The following NOC3L variants were observed in gnomAD, a reference collection of about 807,000 sequenced individuals.
NOC3L encodes the protein NOC3 like DNA replication regulator, also known as nucleolar complex protein 3 homolog.
Under a neutral mutation model 102.5 loss-of-function variants are expected in NOC3L, and 85 were observed. That is an observed-to-expected ratio of 0.83 (90% CI 0.70 to 0.99). The LOEUF is 0.99. Ranked by LOEUF, NOC3L falls within the 50% of genes least tolerant of loss-of-function variation. The pLI is 0.00. For missense variants in NOC3L, 878 were observed against 914.9 expected (o/e 0.96, Z 0.52); for synonymous variants, 303 against 309.4 (o/e 0.98, Z 0.22).
At chr10:94,350,406 ACCCCTT>A in intron 8 of NOC3L, 118 bp from the exon 9 acceptor site, 1 of 858,448 alleles carries the variant, frequency 1.2e-6, no homozygotes, top group South Asian at 1.6e-5. Context: ...ACATTCCCAC[ACCCCTT>A]AAAAAAAGAC....
intron 2 of NOC3L, among the ~76,000 whole-genome samples, chr10:94,360,585 G>A (rs552518927): frequency 1.1e-4 from 16 of 152,182 alleles, no homozygotes; most frequent in African/African-American, 3.9e-4. Flanking sequence ...GGAGATAGGA[G>A]TAGGGATGGT....
At chr10:94,350,812 T>C (rs1046353176) in intron 8 of NOC3L, among the ~76,000 whole-genome samples, 8 of 151,344 alleles carry the variant, frequency 5.3e-5, no homozygotes, top group East Asian at 1.9e-4. Flanking sequence ...CTGCCACATA[T>C]AGGAGTCAAT....
chr10:94,322,138 C>A, the NOC3L span: 1 of 1,337,074 alleles, frequency 7.5e-7, no homozygotes, highest in Non-Finnish European at 1.1e-6. Context: ...ACTGATGGCT[C>A]ATTTTATGAG....
At chr10:94,328,639 T>C (rs1190005899), downstream of NOC3L, 5 of 152,206 alleles carry the variant, frequency 3.3e-5, no homozygotes, top group African/African-American at 9.7e-5. Context: ...ATTAGAAGCT[T>C]AGAATTAGAA....
chr10:94,340,004 T>C lies in NOC3L; in HGVS notation c.1781-84A>G, dbSNP rs1232741501. 8 of 1,200,292 alleles carry C rather than the reference T, an allele frequency of 6.7e-6. No homozygotes were observed. The African/African-American group carries it at 9.1e-5, about 14-fold the overall frequency. 74.4% of individuals were successfully genotyped at this position (1,200,292 alleles called of 1,614,324 possible). On this transcript the variant is annotated intron_variant, in intron 16 of 20. Coordinates refer to ENST00000371361, the MANE Select transcript of NOC3L (RefSeq NM_022451.11). ...GACTGAACTTCAGATAAACCCAAGATAAACTTTTGTACCTGTCCCAAACCA... is the reference window on the plus strand; with the variant it reads ...GACTGAACTTCAGATAAACCCAAGACAAACTTTTGTACCTGTCCCAAACCA...
chr10:94,353,070 T>G lies in NOC3L; in HGVS notation c.697-13A>C. 6.3e-7 allele frequency: 1 copy of G among 1,588,386 alleles called. No homozygotes were observed. Among genetic ancestry groups the G allele is most frequent in the Non-Finnish European group, 8.6e-7 (1 of 1,168,076 alleles). On this transcript the variant is annotated splice_polypyrimidine_tract_variant and intron_variant, in intron 6 of 20. Coordinates refer to ENST00000371361, the MANE Select transcript of NOC3L (RefSeq NM_022451.11). Reference sequence around the variant, plus strand: ...TCAATTTTTTAATCTGTTAAAGAAATAGCTTATAAAGCTGGAGAAATCATG... The same window carrying G: ...TCAATTTTTTAATCTGTTAAAGAAAGAGCTTATAAAGCTGGAGAAATCATG...
In NOC3L at chr10:94,346,535, G is replaced by T; in HGVS notation, c.1279C>A (p.Leu427Ile). 1 of 1,403,730 alleles carries T rather than the reference G, an allele frequency of 7.1e-7. No homozygotes were observed. The highest frequency in any genetic ancestry group is 9.5e-7 in the Non-Finnish European group (1 of 1,050,182). The allele number at this position is 1,403,730 out of a possible 1,614,324, so 87.0% of individuals were successfully genotyped here. A position where few individuals can be genotyped will look rare whatever the true frequency, so the allele number is the denominator to read the frequency against. Residue 427 changes from leucine to isoleucine, a missense_variant, in exon 11 of 21, where the codon CTA becomes ATA. By Grantham distance (5) the Leu-to-Ile change is conservative. Coordinates refer to ENST00000371361, the MANE Select transcript of NOC3L (RefSeq NM_022451.11). Reference protein sequence around the residue: ...RPEMLKTFLCLRIKEVEVKKD... With the variant: ...RPEMLKTFLCIRIKEVEVKKD... The stretch of plus-strand genomic sequence containing the variant: ...TTCACTTCTACTTCCTTGATTCTTA[G>T]GCATAAAAATGTTTTTAACATCTAA...
At chr10:94,330,532 C>T (rs990706650), downstream of NOC3L, 10 of 151,644 alleles carry the variant, frequency 6.6e-5, no homozygotes, top group Non-Finnish European at 1.3e-4. Context: ...TAGCTGGGTA[C>T]TAAAAATACA....
At chr10:94,355,824 T>C (rs1326937620) in intron 5 of NOC3L, among the ~76,000 whole-genome samples, 6 of 152,186 alleles carry the variant, frequency 3.9e-5, no homozygotes, top group Non-Finnish European at 8.8e-5. Flanking sequence ...TATTACTTTA[T>C]ACAAACTAAT....
chr10:94,343,914 C>T (rs1279060345), intron 13 of NOC3L, among the ~76,000 whole-genome samples: 1 of 152,076 alleles, frequency 6.6e-6, no homozygotes, highest in Non-Finnish European at 1.5e-5. Flanking sequence ...CTATAGGATA[C>T]CACCTCAAAA....
chr10:94,322,589 A>T, the NOC3L span, among the ~76,000 whole-genome samples: 2 of 152,162 alleles, frequency 1.3e-5, no homozygotes, highest in African/African-American at 4.8e-5. Context: ...GTTCGAGACC[A>T]GCCTGGCCAA....
At chr10:94,361,313 TCTTAC>T (rs1390229145) in intron 2 of NOC3L, 1 of 239,056 alleles carries the variant, frequency 4.2e-6, no homozygotes, top group Non-Finnish European at 8.1e-6. Flanking sequence ...CAAGCAATGT[TCTTAC>T]CTTACCTAAC....
At chr10:94,316,165 C>T in the NOC3L span, among the ~76,000 whole-genome samples, 1 of 152,134 alleles carries the variant, frequency 6.6e-6, no homozygotes, top group Non-Finnish European at 1.5e-5. Flanking sequence ...CCGAGTATTT[C>T]CAATGTGAGA....
chr10:94,316,868 T>C, the NOC3L span: 1 of 764,220 alleles, frequency 1.3e-6, no homozygotes, highest in Non-Finnish European at 2.4e-6. Flanking sequence ...ACTTGGTTTA[T>C]ATTCTTCTTA....
intron 17 of NOC3L, among the ~76,000 whole-genome samples, chr10:94,339,143 A>G (rs185418570): frequency 1.9e-4 from 29 of 152,342 alleles, no homozygotes; most frequent in African/African-American, 6.3e-4. Flanking sequence ...CTACATTTGA[A>G]TATCACTTCT....
At chr10:94,362,785 G>A in intron 1 of NOC3L, 45 bp downstream of exon 1, 1 of 1,611,638 alleles carries the variant, frequency 6.2e-7, no homozygotes, top group South Asian at 1.1e-5. Context: ...TCTATCACCC[G>A]AAGGGGCCCT....
the NOC3L span, among the ~76,000 whole-genome samples, chr10:94,318,463 GATATAATGGAAACC>G: frequency 9.9e-5 from 15 of 152,204 alleles, no homozygotes; most frequent in Non-Finnish European, 2.9e-5. Flanking sequence ...TATGTTGAAT[GATATAATGGAAACC>G]ATTTTACACT....
At chr10:94,336,378 G>A (rs1039780928) in intron 19 of NOC3L, among the ~76,000 whole-genome samples, 2 of 149,804 alleles carry the variant, frequency 1.3e-5, no homozygotes, top group Non-Finnish European at 3.0e-5. Flanking sequence ...AGACGGATTC[G>A]CTCTTGTCAC....
At chr10:94,341,648 T>TA in intron 14 of NOC3L, 25 bp downstream of exon 14, 2 of 1,258,228 alleles carry the variant, frequency 1.6e-6, no homozygotes, top group South Asian at 1.7e-5. Context: ...TTATATCTTT[T>TA]AAAAAATAAT....
Sources: gnomAD v4.1 joint callset for allele counts (sites outside exome capture counted in the v4.1 genomes callset) on GRCh38, gnomAD v4.1.1 for gene constraint, MANE v1.5 for transcripts, NCBI Gene and HGNC (gene_info 2026-07-23, HGNC 2026-07-21) for gene names.